The following ERO1B variants were observed in gnomAD, a reference collection of about 807,000 sequenced individuals.
ERO1B encodes the protein ERO1-like protein beta.
Under a neutral mutation model 75.3 loss-of-function variants are expected in ERO1B, and 49 were observed. The ratio of observed to expected loss-of-function variants is 0.65; its 90% confidence interval spans 0.52 to 0.83. ERO1B has a LOEUF of 0.83. Among genes scored for constraint, ERO1B ranks in the 40% least tolerant of loss-of-function variants. The probability of loss-of-function intolerance (pLI) is 0.00; values close to 1 mark genes in which losing one functional copy is unlikely to be tolerated. For synonymous variants in ERO1B, 191 were observed against 192.9 expected, an observed-to-expected ratio of 0.99 and a Z score of 0.08; for missense variants, 512 against 560.1, an observed-to-expected ratio of 0.91 and a Z score of 0.87.
intron 2 of ERO1B, among the ~76,000 whole-genome samples, chr1:236,255,225 T>C (rs1665134364): frequency 6.6e-6 from 1 of 152,056 alleles, no homozygotes; most frequent in African/African-American, 2.4e-5. Flanking sequence ...TGAGCCACCA[T>C]GCCCGGCCTC....
At chr1:236,226,232 AGAG>A (rs1408920546) in intron 12 of ERO1B, 34 bp downstream of exon 12, 2 of 1,604,262 alleles carry the variant, frequency 1.2e-6, no homozygotes, top group South Asian at 2.2e-5. Flanking sequence ...TTGAATACAG[AGAG>A]GAGAATTTCA....
At chr1:236,258,724 TA>T (rs34488382) in intron 2 of ERO1B, among the ~76,000 whole-genome samples, 2 of 152,084 alleles carry the variant, frequency 1.3e-5, no homozygotes, top group Non-Finnish European at 2.9e-5. Context: ...TCATCTCTAC[TA>T]AAAAAGTACA....
At chr1:236,237,444 A>G (rs1030979018) in intron 6 of ERO1B, among the ~76,000 whole-genome samples, 2 of 152,118 alleles carry the variant, frequency 1.3e-5, no homozygotes, top group Non-Finnish European at 2.9e-5. Context: ...GAGATCTCTG[A>G]GAAATACAAA....
intron 10 of ERO1B, among the ~76,000 whole-genome samples, chr1:236,228,357 C>T (rs1664325949): frequency 6.6e-6 from 1 of 152,178 alleles, no homozygotes; most frequent in Non-Finnish European, 1.5e-5. Context: ...CAAGTAAGTG[C>T]ACCCAGACAC....
At chr1:236,236,460 T>A in intron 6 of ERO1B, 62 bp from the exon 7 acceptor site, 1 of 1,579,662 alleles carries the variant, frequency 6.3e-7, no homozygotes, top group South Asian at 1.1e-5. Context: ...GATTTAACAG[T>A]ACAAAGCAAA....
At chr1:236,253,380 C>T in intron 3 of ERO1B, 42 bp downstream of exon 3, 1 of 1,224,322 alleles carries the variant, frequency 8.2e-7, no homozygotes, top group Non-Finnish European at 1.2e-6. Context: ...TCTAAAAGTC[C>T]AAGAGAAAAT....
At chr1:236,241,942 C>T (rs1468217566) in intron 6 of ERO1B, among the ~76,000 whole-genome samples, 1 of 151,724 alleles carries the variant, frequency 6.6e-6, no homozygotes, top group African/African-American at 2.4e-5. Flanking sequence ...GTGGTGGGCA[C>T]CTGTAGTCCC....
rs933435145 is a variant in ERO1B, at chr1:236,220,835, C to T, written c.1340G>A (p.Gly447Glu). 1.9e-6 allele frequency: 3 copies of T among 1,582,492 alleles called. No homozygotes were observed. Among genetic ancestry groups the T allele is most frequent in the Admixed American group, 3.7e-5 (2 of 54,058 alleles). ...QEIVALLNAF[G>E]RLSTSIRDLQ... ...TTCAACATATAATGGTTCTTACCTT[C>T]CAAAAGCATTTAAAAGAGCAACTAT... The change falls in exon 15 of 16, where the codon GGA (glycine) becomes GAA (glutamate). Residue 447 changes from glycine (G) to glutamate (E), a missense_variant. Transcript: ENST00000354619.
chr1:236,224,668 CATAAT>C (rs1384447095), intron 13 of ERO1B, among the ~76,000 whole-genome samples: 2 of 151,992 alleles, frequency 1.3e-5, no homozygotes, highest in African/African-American at 2.4e-5. Flanking sequence ...GGGACAAAAA[CATAAT>C]ATATGTTTCA....
chr1:236,263,753 T>C (rs1261583387), intron 2 of ERO1B, among the ~76,000 whole-genome samples: 1 of 150,492 alleles, frequency 6.6e-6, no homozygotes, highest in African/African-American at 2.4e-5. Flanking sequence ...TTATCGCTAA[T>C]ATATTTTTTG....
intron 6 of ERO1B, among the ~76,000 whole-genome samples, chr1:236,242,470 T>G (rs1465954397): frequency 2.0e-5 from 3 of 152,132 alleles, no homozygotes; most frequent in African/African-American, 7.2e-5. Context: ...AAAATTTCCT[T>G]ACTGAAACCA....
chr1:236,233,271 T>G (rs1342976630), intron 8 of ERO1B, among the ~76,000 whole-genome samples: 1 of 147,308 alleles, frequency 6.8e-6, no homozygotes, highest in Non-Finnish European at 1.5e-5. Context: ...ATCGCGCCAT[T>G]GCACTCCAGC....
intron 2 of ERO1B, among the ~76,000 whole-genome samples, chr1:236,266,994 C>A (rs756494178): frequency 1.2e-4 from 19 of 152,278 alleles, no homozygotes; most frequent in South Asian, 6.2e-4. Flanking sequence ...TTCCATTATT[C>A]CTTCTTTTGT....
chr1:236,239,001 G>T (rs763047668), intron 6 of ERO1B, among the ~76,000 whole-genome samples: 1 of 151,964 alleles, frequency 6.6e-6, no homozygotes, highest in Admixed American at 6.6e-5. Context: ...GTGCAGGCTG[G>T]ACTCGAACTC....
At chr1:236,273,271 A>G (rs1304257309) in intron 1 of ERO1B, among the ~76,000 whole-genome samples, 3 of 152,202 alleles carry the variant, frequency 2.0e-5, no homozygotes, top group African/African-American at 4.8e-5. Context: ...AAGCTTGAAA[A>G]GAAGCCTCCA....
chr1:236,242,626 GC>G (rs1558512017), intron 6 of ERO1B, among the ~76,000 whole-genome samples: 1 of 151,460 alleles, frequency 6.6e-6, no homozygotes, highest in African/African-American at 2.4e-5. Context: ...AGAAAGCAGA[GC>G]ATTCTAGATA....
chr1:236,220,964 G>A lies in ERO1B; in HGVS notation c.1211C>T (p.Thr404Ile), dbSNP rs776112633. 1 of 1,531,738 alleles carries A rather than the reference G, an allele frequency of 6.5e-7. No homozygotes were observed. The highest frequency in any genetic ancestry group is 8.7e-7 in the Non-Finnish European group (1 of 1,145,918). 94.9% of individuals were successfully genotyped at this position (1,531,738 alleles called of 1,614,324 possible). The change falls in exon 15 of 16, where the codon ACT (threonine) becomes ATT (isoleucine). Residue 404 changes from threonine (T) to isoleucine (I), a missense_variant and splice_region_variant. Transcript: ENST00000354619. ...CTTCAGGGCAGTTCCTAAACCCTGA[G>A]TCTAAAGAAAATAGCAATAAACTCA... ...DKCRLWGKLQ[T>I]QGLGTALKIL...
At chr1:236,280,663 G>T (rs1665811516) in intron 1 of ERO1B, among the ~76,000 whole-genome samples, 1 of 152,168 alleles carries the variant, frequency 6.6e-6, no homozygotes, top group Non-Finnish European at 1.5e-5. Context: ...ATAAAACCAT[G>T]AAATAAAGTG....
intron 5 of ERO1B, among the ~76,000 whole-genome samples, chr1:236,248,218 A>C (rs1430992971): frequency 1.3e-5 from 2 of 152,218 alleles, no homozygotes; most frequent in African/African-American, 4.8e-5. Flanking sequence ...AAAAATGCTC[A>C]AATCCACTAG....
Sources: allele counts gnomAD v4.1 joint callset (sites outside exome capture counted in the v4.1 genomes callset), GRCh38; gene constraint gnomAD v4.1.1; transcripts MANE v1.5; gene names NCBI Gene and HGNC (gene_info 2026-07-23, HGNC 2026-07-21).